The following CCDC178 variants were observed in gnomAD, a reference collection of about 807,000 sequenced individuals.
CCDC178 encodes the protein coiled-coil domain-containing protein 178.
Under a neutral mutation model 117.4 loss-of-function variants are expected in CCDC178, and 126 were observed. That is an observed-to-expected ratio of 1.07 (90% CI 0.93 to 1.24). CCDC178 has a LOEUF of 1.24. Ranked by LOEUF, CCDC178 falls within the 50% of genes most tolerant of loss-of-function variation. The pLI is 0.00. For synonymous variants in CCDC178, 283 were observed against 313.4 expected (o/e 0.90, Z 1.02); for missense variants, 1,030 against 986.9 (o/e 1.04, Z -0.59).
At chr18:33,175,396 G>A (rs2058652987) in intron 20 of CCDC178, among the ~76,000 whole-genome samples, 1 of 151,054 alleles carries the variant, frequency 6.6e-6, no homozygotes, top group Admixed American at 6.6e-5. Flanking sequence ...TTCTTTAGAT[G>A]GGCTCTTGCT....
rs567793142 is a variant in CCDC178, at chr18:33,208,317, CA to C, written c.2238+3578del. 6.5e-4 allele frequency among the ~76,000 whole-genome samples: 99 copies of C among 152,146 alleles called. 1 individual carries two copies. In the South Asian group the frequency reaches 0.02, roughly 30 times the overall value. ...ATTGGTCAGCTCCCCTAAATGTTTC[CA>C]GATTTATCACATATTCATTTCCCAC... On this transcript the variant is annotated intron_variant, in intron 20 of 22. Coordinates refer to ENST00000383096, the MANE Select transcript of CCDC178 (RefSeq NM_001105528.4).
At chr18:33,039,203 T>C (rs1347850081) in intron 21 of CCDC178, among the ~76,000 whole-genome samples, 2 of 152,000 alleles carry the variant, frequency 1.3e-5, no homozygotes, top group African/African-American at 2.4e-5. Flanking sequence ...TGAGGTGATA[T>C]TGAGAAATAT....
chr18:33,044,970 A>G (rs537339232), intron 21 of CCDC178, among the ~76,000 whole-genome samples: 1 of 152,292 alleles, frequency 6.6e-6, no homozygotes, highest in Non-Finnish European at 1.5e-5. Context: ...ATGGCTACAT[A>G]TGGACATACA....
At chr18:33,356,783 C>CA (rs752732681) in intron 6 of CCDC178, among the ~76,000 whole-genome samples, 1 of 152,108 alleles carries the variant, frequency 6.6e-6, no homozygotes, top group Non-Finnish European at 1.5e-5. Flanking sequence ...TGAAAGAAAT[C>CA]AAAGTATTTC....
intron 21 of CCDC178, among the ~76,000 whole-genome samples, chr18:32,999,044 A>C (rs114568792): frequency 5.7e-4 from 86 of 152,206 alleles, no homozygotes; most frequent in African/African-American, 1.9e-3. Flanking sequence ...GGGGTTCCCA[A>C]TTCCAGGCTG....
At chr18:33,228,006 T>C (rs1291084628) in intron 15 of CCDC178, among the ~76,000 whole-genome samples, 1 of 152,186 alleles carries the variant, frequency 6.6e-6, no homozygotes. Flanking sequence ...TCAAAATGGC[T>C]TTGTAGACTG....
At chr18:33,413,408 T>C (rs887560378) in intron 2 of CCDC178, among the ~76,000 whole-genome samples, 2 of 152,058 alleles carry the variant, frequency 1.3e-5, no homozygotes, top group African/African-American at 4.8e-5. Context: ...CATTTTTTAA[T>C]TCAATGAAGA....
intron 11 of CCDC178, among the ~76,000 whole-genome samples, chr18:33,318,534 G>A (rs1352459077): frequency 6.6e-6 from 1 of 152,124 alleles, no homozygotes; most frequent in Non-Finnish European, 1.5e-5. Flanking sequence ...CAAGAAGTAT[G>A]GAGTACACAA....
At chr18:32,963,372 CA>C (rs1184237714) in intron 22 of CCDC178, among the ~76,000 whole-genome samples, 1 of 151,956 alleles carries the variant, frequency 6.6e-6, no homozygotes, top group Non-Finnish European at 1.5e-5. Flanking sequence ...CTTACAAAGG[CA>C]TTTCCCTGAA....
intron 11 of CCDC178, among the ~76,000 whole-genome samples, chr18:33,312,030 G>C (rs2062350944): frequency 2.0e-5 from 3 of 152,158 alleles, no homozygotes; most frequent in Admixed American, 2.0e-4. Context: ...TTGAGGGCCT[G>C]CCAAGCCCCA....
chr18:33,004,835 T>C (rs2055715797), intron 21 of CCDC178, among the ~76,000 whole-genome samples: 2 of 152,124 alleles, frequency 1.3e-5, no homozygotes, highest in South Asian at 2.1e-4. Flanking sequence ...AAAGAAGGCA[T>C]ATGAATGGCA....
intron 12 of CCDC178, among the ~76,000 whole-genome samples, chr18:33,270,671 A>T (rs1445763637): frequency 6.6e-6 from 1 of 151,636 alleles, no homozygotes; most frequent in Non-Finnish European, 1.5e-5. Context: ...ATATTAGGAC[A>T]TTCCCAGATA....
intron 21 of CCDC178, among the ~76,000 whole-genome samples, chr18:33,020,038 C>G (rs547543041): frequency 1.3e-5 from 2 of 150,410 alleles, no homozygotes; most frequent in African/African-American, 4.9e-5. Context: ...CTCTGCCTCC[C>G]GTGTTCAAGT....
intron 20 of CCDC178, among the ~76,000 whole-genome samples, chr18:33,135,262 A>C (rs1351517330): frequency 2.0e-5 from 3 of 152,172 alleles, no homozygotes; most frequent in Non-Finnish European, 4.4e-5. Context: ...TGTTAAATTT[A>C]AAATTTTATT....
intron 2 of CCDC178, among the ~76,000 whole-genome samples, chr18:33,431,141 C>T (rs545365332): frequency 6.7e-6 from 1 of 148,620 alleles, no homozygotes; most frequent in African/African-American, 2.4e-5. Context: ...ATTCACTGTC[C>T]TCAAAACCAA....
At chr18:33,359,336 C>T (rs1466777987) in intron 6 of CCDC178, among the ~76,000 whole-genome samples, 1 of 151,634 alleles carries the variant, frequency 6.6e-6, no homozygotes, top group Admixed American at 6.6e-5. Context: ...TATATCAAAA[C>T]ATTACCTTAG....
intron 21 of CCDC178, among the ~76,000 whole-genome samples, chr18:33,088,815 G>T (rs139155629): frequency 6.6e-6 from 1 of 152,040 alleles, no homozygotes; most frequent in African/African-American, 2.4e-5. Context: ...CATAGCATAT[G>T]CTTATCTGCA....
In CCDC178 at chr18:32,940,915, G is replaced by A. The variant is rs116064755; in HGVS notation, c.2524-2824C>T. 8.8e-3 allele frequency among the ~76,000 whole-genome samples: 1,333 copies of A among 152,052 alleles called. 28 individuals carry two copies. Among genetic ancestry groups the A allele is most frequent in the African/African-American group, 0.03 (1,259 of 41,466 alleles). On this transcript the variant is annotated intron_variant, in intron 22 of 22. Transcript: ENST00000383096. The stretch of plus-strand genomic sequence containing the variant: ...TGATTTTCTGGGGTGTGTTAAGAAC[G>A]TTCTTGAGGTGCTCTGGGGAGACAT...
At chr18:33,067,480 A>G (rs2057036945) in intron 21 of CCDC178, among the ~76,000 whole-genome samples, 1 of 152,204 alleles carries the variant, frequency 6.6e-6, no homozygotes, top group South Asian at 2.1e-4. Context: ...ACTAAACTCC[A>G]AATTAGTAGA....
Sources: allele counts gnomAD v4.1 joint callset (sites outside exome capture counted in the v4.1 genomes callset), GRCh38; gene constraint gnomAD v4.1.1; transcripts MANE v1.5; gene names NCBI Gene and HGNC (gene_info 2026-07-23, HGNC 2026-07-21).